The following MED12L variants were observed in gnomAD, a reference collection of about 807,000 sequenced individuals.
MED12L encodes the protein mediator of RNA polymerase II transcription subunit 12-like protein.
In MED12L, 60 loss-of-function variants were observed where a neutral mutation model predicts 281.3. The observed-to-expected ratio is 0.21, with a 90% CI of 0.17 to 0.26. The LOEUF is 0.26. Among genes scored for constraint, MED12L ranks in the 10% least tolerant of loss-of-function variants. MED12L has a pLI of 1.00. For synonymous variants in MED12L, 974 were observed against 987.2 expected, an observed-to-expected ratio of 0.99 and a Z score of 0.25; for missense variants, 2,146 against 2,680.9, an observed-to-expected ratio of 0.80 and a Z score of 4.41.
At chr3:151,100,037 A>G (rs1433227638) in intron 2 of MED12L, among the ~76,000 whole-genome samples, 1 of 152,204 alleles carries the variant, frequency 6.6e-6, no homozygotes, top group Non-Finnish European at 1.5e-5. Context: ...TTCCAGCTCC[A>G]TTTGCCTCCT....
At chr3:151,216,887 T>C (rs193258378) in intron 16 of MED12L, among the ~76,000 whole-genome samples, 10 of 152,270 alleles carry the variant, frequency 6.6e-5, no homozygotes, top group Admixed American at 2.0e-4. Flanking sequence ...GTTAGATGCA[T>C]TTTGGTTTAA....
At chr3:151,105,819 C>T in intron 2 of MED12L, among the ~76,000 whole-genome samples, 1 of 152,274 alleles carries the variant, frequency 6.6e-6, no homozygotes, top group Non-Finnish European at 1.5e-5. Flanking sequence ...AACATTTTCT[C>T]TGTGTGTCTG....
intron 11 of MED12L, among the ~76,000 whole-genome samples, chr3:151,174,034 A>G (rs1028314513): frequency 1.3e-5 from 2 of 152,204 alleles, no homozygotes; most frequent in African/African-American, 4.8e-5. Flanking sequence ...AGAAGTGTTT[A>G]GGAGTTTAGA....
intron 8 of MED12L, among the ~76,000 whole-genome samples, chr3:151,162,694 T>C (rs1490651662): frequency 1.3e-5 from 2 of 152,204 alleles, no homozygotes; most frequent in African/African-American, 4.8e-5. Context: ...CTGCCTTGGC[T>C]TCCCAGAGCG....
At chr3:151,315,628 C>T (rs1334597858) in intron 16 of MED12L, among the ~76,000 whole-genome samples, 1 of 152,114 alleles carries the variant, frequency 6.6e-6, no homozygotes, top group Non-Finnish European at 1.5e-5. Flanking sequence ...CCTCTTTGAT[C>T]CCTAACTTCA....
intron 5 of MED12L, among the ~76,000 whole-genome samples, chr3:151,137,042 A>C (rs932147322): frequency 6.6e-6 from 1 of 151,906 alleles, no homozygotes; most frequent in Admixed American, 6.5e-5. Flanking sequence ...TGTGCCTGTA[A>C]TCCCAGCTAC....
intron 17 of MED12L, among the ~76,000 whole-genome samples, chr3:151,352,854 A>T (rs925661265): frequency 6.6e-6 from 1 of 152,176 alleles, no homozygotes; most frequent in South Asian, 2.1e-4. Flanking sequence ...GGACTTAAAG[A>T]TTTTTAAAAA....
intron 41 of MED12L, among the ~76,000 whole-genome samples, chr3:151,412,174 A>G (rs1455180130): frequency 2.0e-5 from 3 of 152,208 alleles, no homozygotes; most frequent in African/African-American, 7.2e-5. Flanking sequence ...GTGGTAGCCA[A>G]ATGTGGCCAG....
intron 2 of MED12L, among the ~76,000 whole-genome samples, chr3:151,099,648 G>T (rs566979604): frequency 6.6e-6 from 1 of 152,108 alleles, no homozygotes; most frequent in Non-Finnish European, 1.5e-5. Flanking sequence ...AAATGTTCTC[G>T]AGAGCTCCAG....
intron 16 of MED12L, among the ~76,000 whole-genome samples, chr3:151,271,162 C>T (rs1740873558): frequency 1.3e-5 from 2 of 151,934 alleles, no homozygotes; most frequent in African/African-American, 4.8e-5. Flanking sequence ...ATTTTCATTA[C>T]TCTATAATAA....
At chr3:151,403,133 C>T (rs538352540) in intron 39 of MED12L, among the ~76,000 whole-genome samples, 2 of 151,690 alleles carry the variant, frequency 1.3e-5, no homozygotes, top group East Asian at 3.9e-4. Flanking sequence ...ACTGTTAACT[C>T]GGTTTATGTT....
chr3:151,153,889 C>T (rs1718915028), intron 5 of MED12L, among the ~76,000 whole-genome samples: 1 of 151,982 alleles, frequency 6.6e-6, no homozygotes, highest in Admixed American at 6.6e-5. Context: ...TTTTTGTCAC[C>T]TGAAACTGGG....
intron 27 of MED12L, among the ~76,000 whole-genome samples, chr3:151,375,579 G>GAAAT (rs1340154663): frequency 6.6e-6 from 1 of 152,070 alleles, no homozygotes; most frequent in East Asian, 1.9e-4. Flanking sequence ...ATTCATAATA[G>GAAAT]TATCAAAAAG....
intron 2 of MED12L, 108 bp downstream of exon 2, chr3:151,087,133 G>A (rs945337495): frequency 1.0e-5 from 9 of 898,832 alleles, no homozygotes; most frequent in Non-Finnish European, 1.5e-5. Flanking sequence ...GAAGAGGTCG[G>A]GGAGGGGGAT....
intron 41 of MED12L, among the ~76,000 whole-genome samples, chr3:151,411,794 T>C (rs1192624915): frequency 6.6e-6 from 1 of 152,160 alleles, no homozygotes; most frequent in African/African-American, 2.4e-5. Context: ...GTGTTCTTTT[T>C]TTTCCTCTTC....
chr3:151,382,791 T>C (rs1712623166), intron 33 of MED12L, 46 bp downstream of exon 33: 2 of 1,458,850 alleles, frequency 1.4e-6, no homozygotes, highest in Admixed American at 1.8e-5. Context: ...CATATTTACA[T>C]GTGAAAATAC....
At chr3:151,385,836 G>A (rs1713249048) in intron 36 of MED12L, among the ~76,000 whole-genome samples, 1 of 151,990 alleles carries the variant, frequency 6.6e-6, no homozygotes, top group South Asian at 2.1e-4. Context: ...TTTTATATAA[G>A]ATATTAAAGA....
intron 2 of MED12L, among the ~76,000 whole-genome samples, chr3:151,100,574 C>T (rs1349983801): frequency 3.3e-5 from 5 of 152,146 alleles, no homozygotes; most frequent in Non-Finnish European, 5.9e-5. Flanking sequence ...CTGAGTTCTG[C>T]GAGGAAGGTT....
At position 151,316,896 on chromosome 3, in the gene MED12L, A is replaced by G. The variant is rs1748325406; in HGVS notation, c.2251-33163A>G. 3 of 152,188 alleles carry G rather than the reference A, an allele frequency of 2.0e-5. No homozygotes were observed. In the South Asian group the frequency reaches 6.2e-4, roughly 32 times the overall value. The allele number at this position is 152,188 out of a possible 1,614,324, so 9.4% of individuals were successfully genotyped here. On this transcript the variant is annotated intron_variant, in intron 16 of 44. Transcript: ENST00000687756. ...TGAGATTTGTCGACTGGGGAAGAGT[A>G]TTTCCTGAACCTGCAGGAATCAGAT...
Sources: allele counts gnomAD v4.1 joint callset (sites outside exome capture counted in the v4.1 genomes callset), GRCh38; gene constraint gnomAD v4.1.1; transcripts MANE v1.5; gene names NCBI Gene and HGNC (gene_info 2026-07-23, HGNC 2026-07-21).